Variants in BCAS4 observed in about 807,000 individuals in gnomAD.
BCAS4 encodes the protein breast carcinoma-amplified sequence 4.
BCAS4 carries 9 observed loss-of-function variants against 15.7 expected under a neutral mutation model. That is an observed-to-expected ratio of 0.57 (90% CI 0.34 to 1.00). The LOEUF (loss-of-function observed/expected upper bound fraction) is 1.00. Ranked by LOEUF, BCAS4 falls within the 50% of genes least tolerant of loss-of-function variation. BCAS4 has a pLI of 0.02. For missense variants in BCAS4, 225 were observed against 239.1 expected (o/e 0.94, Z 0.39); for synonymous variants, 101 against 99.5 (o/e 1.02, Z -0.09).
At chr20:50,809,367 G>A (rs542295783) in intron 1 of BCAS4, among the ~76,000 whole-genome samples, 4 of 152,026 alleles carry the variant, frequency 2.6e-5, no homozygotes, top group Non-Finnish European at 4.4e-5. Flanking sequence ...GCACTACCAC[G>A]GCTGGCTGAT....
chr20:50,861,846 C>CT (rs773052138), intron 4 of BCAS4, among the ~76,000 whole-genome samples: 2,338 of 109,260 alleles, frequency 0.021, 106 homozygotes, highest in Admixed American at 0.034. Context: ...TCTTCTTCTC[C>CT]TTTTTTTTTT....
At chr20:50,858,319 T>C (rs969179405) in intron 4 of BCAS4, among the ~76,000 whole-genome samples, 1 of 152,166 alleles carries the variant, frequency 6.6e-6, no homozygotes, top group Non-Finnish European at 1.5e-5. Context: ...AAGTAAATGC[T>C]GGACGGGCAT....
intron 3 of BCAS4, among the ~76,000 whole-genome samples, chr20:50,835,701 C>A (rs2088400097): frequency 6.6e-6 from 1 of 152,124 alleles, no homozygotes; most frequent in Admixed American, 6.6e-5. Flanking sequence ...GGGCGTGAAT[C>A]TCCCGGCTGT....
chr20:50,801,628 A>G (rs1405379135), intron 1 of BCAS4, among the ~76,000 whole-genome samples: 2 of 152,174 alleles, frequency 1.3e-5, no homozygotes, highest in African/African-American at 4.8e-5. Context: ...GGCATGAGCC[A>G]CCGCACCTGG....
intron 3 of BCAS4, among the ~76,000 whole-genome samples, chr20:50,837,296 G>A (rs2088421424): frequency 6.6e-6 from 1 of 152,148 alleles, no homozygotes; most frequent in Non-Finnish European, 1.5e-5. Context: ...TTTGGTGGAA[G>A]TGTTCAAATT....
intron 3 of BCAS4, 82 bp from the exon 4 acceptor site, chr20:50,841,684 T>C (rs2088483061): frequency 1.3e-6 from 2 of 1,582,462 alleles, no homozygotes; most frequent in Admixed American, 1.7e-5. Context: ...AGGCCTGGAG[T>C]CCCCACCAGC....
chr20:50,795,390 G>T (rs1040416683), intron 1 of BCAS4, among the ~76,000 whole-genome samples: 2 of 152,136 alleles, frequency 1.3e-5, no homozygotes, highest in Non-Finnish European at 2.9e-5. Flanking sequence ...GGAGGCCCAG[G>T]CTCGCTTTCC....
At chr20:50,869,119 G>A (rs1360203054) in intron 4 of BCAS4, among the ~76,000 whole-genome samples, 1 of 152,268 alleles carries the variant, frequency 6.6e-6, no homozygotes, top group Non-Finnish European at 1.5e-5. Context: ...GTGAGGCAGA[G>A]GAGGATGAGA....
intron 2 of BCAS4, among the ~76,000 whole-genome samples, chr20:50,820,024 T>C (rs541974112): frequency 2.6e-4 from 40 of 151,336 alleles, no homozygotes; most frequent in African/African-American, 9.3e-4. Flanking sequence ...CTAATTTTTG[T>C]ATTTTTAGTA....
intron 4 of BCAS4, among the ~76,000 whole-genome samples, chr20:50,859,157 G>C (rs964153911): frequency 2.0e-5 from 3 of 152,076 alleles, no homozygotes; most frequent in African/African-American, 7.2e-5. Flanking sequence ...TGCCCAGGCT[G>C]GTCTGAACTC....
chr20:50,796,475 A>ATTTTTTTTTTTTTTTTTTTT (rs2087861339), intron 1 of BCAS4, among the ~76,000 whole-genome samples: 1 of 12,410 alleles, frequency 8.1e-5, no homozygotes, highest in African/African-American at 3.3e-4. Flanking sequence ...ATATATATAT[A>ATTTTTTTTTTTTTTTTTTTT]TATATATATA....
rs551932891 is a variant in BCAS4, at chr20:50,838,152, C to CTCAT, written c.265-3601_265-3598dup. Among the ~76,000 whole-genome samples the CTCAT allele has an allele frequency of 3.9e-5, 6 of 152,376 alleles. No individual in the cohort carries two copies. The South Asian group carries it at 1.0e-3, about 26-fold the overall frequency. ...AAGGATACACTCACTCACTCATTCA[C>CTCAT]TCATTCATTCATTCATGCACGTGTG... On this transcript the variant is annotated intron_variant, in intron 3 of 4. Coordinates refer to ENST00000371608, the MANE Select transcript of BCAS4 (RefSeq NM_198799.4).
At chr20:50,827,027 C>CA (rs1179522259) in intron 2 of BCAS4, among the ~76,000 whole-genome samples, 5 of 151,722 alleles carry the variant, frequency 3.3e-5, no homozygotes, top group Admixed American at 6.6e-5. Flanking sequence ...AACAAACAAA[C>CA]AAAAAAAACG....
chr20:50,794,971 C>T, upstream of BCAS4: 1 of 1,232,946 alleles, frequency 8.1e-7, no homozygotes, highest in Non-Finnish European at 1.0e-6. Flanking sequence ...CCTGCCCCGC[C>T]TCCGCCAGGC....
intron 4 of BCAS4, among the ~76,000 whole-genome samples, chr20:50,856,248 C>T (rs987213120): frequency 2.6e-5 from 4 of 152,202 alleles, no homozygotes; most frequent in African/African-American, 7.2e-5. Flanking sequence ...TTGATGCCCA[C>T]GGAGCCTGGG....
chr20:50,842,288 G>A (rs1298477129), intron 4 of BCAS4, among the ~76,000 whole-genome samples: 5 of 152,198 alleles, frequency 3.3e-5, no homozygotes, highest in African/African-American at 7.2e-5. Context: ...CCAACAAGCC[G>A]GGGAAGGGGG....
chr20:50,869,558 C>T (rs1411793589), intron 4 of BCAS4, among the ~76,000 whole-genome samples: 1 of 152,064 alleles, frequency 6.6e-6, no homozygotes, highest in African/African-American at 2.4e-5. Flanking sequence ...AAAAGTCAGG[C>T]CCAAGGACAG....
At chr20:50,809,672 T>C (rs1447195268) in intron 1 of BCAS4, among the ~76,000 whole-genome samples, 2 of 152,200 alleles carry the variant, frequency 1.3e-5, no homozygotes, top group Admixed American at 6.5e-5. Flanking sequence ...GGGAATTACA[T>C]TGAATTTGTA....
chr20:50,851,645 C>T lies in BCAS4; in HGVS notation c.399+9745C>T, dbSNP rs1978426589. ...ACATGCCCTTCTCTCAAAGCAGCAC[C>T]ACCGTCAGGGGCATCCCCTGTGGCA... On this transcript the variant is annotated intron_variant, in intron 4 of 4. Transcript: ENST00000371608. The surrounding 1 kb of genome is among the most constrained non-coding windows in gnomAD (Gnocchi z 4.3). 6.6e-6 allele frequency among the ~76,000 whole-genome samples: 1 copy of T among 152,144 alleles called. No homozygotes were observed. Among genetic ancestry groups the T allele is most frequent in the Non-Finnish European group, 1.5e-5 (1 of 68,032 alleles).
Sources: allele counts gnomAD v4.1 joint callset (sites outside exome capture counted in the v4.1 genomes callset), GRCh38; gene constraint gnomAD v4.1.1; non-coding constraint Gnocchi (gnomAD v3.1); transcripts MANE v1.5; gene names NCBI Gene and HGNC (gene_info 2026-07-23, HGNC 2026-07-21).